Variants in ANTXR1 observed in about 807,000 individuals in gnomAD.
ANTXR1 encodes anthrax toxin receptor 1.
In ANTXR1, 19 loss-of-function variants were observed where a neutral mutation model predicts 78.1. That is an observed-to-expected ratio of 0.24 (90% CI 0.17 to 0.36). The LOEUF is 0.36. Ranked by LOEUF, ANTXR1 falls within the 10% of genes least tolerant of loss-of-function variation. The pLI is 1.00. For synonymous variants in ANTXR1, 273 were observed against 260.5 expected, an observed-to-expected ratio of 1.05 and a Z score of -0.46; for missense variants, 518 against 718.6, an observed-to-expected ratio of 0.72 and a Z score of 3.19.
intron 12 of ANTXR1, among the ~76,000 whole-genome samples, chr2:69,125,506 GC>G (rs1223474599): frequency 4.6e-5 from 7 of 152,302 alleles, no homozygotes; most frequent in African/African-American, 1.7e-4. Context: ...TCAGAGCTCA[GC>G]CTGTCAGGGG....
At chr2:69,071,903 T>C in intron 5 of ANTXR1, 116 bp downstream of exon 5, 2 of 954,906 alleles carry the variant, frequency 2.1e-6, no homozygotes, top group Non-Finnish European at 3.3e-6. Flanking sequence ...TTATCTGTAA[T>C]TCTTAGACAC....
chr2:69,170,183 G>C, intron 13 of ANTXR1, 65 bp from the exon 14 acceptor site: 12 of 1,577,814 alleles, frequency 7.6e-6, no homozygotes, highest in Non-Finnish European at 1.0e-5. Flanking sequence ...CCTCCTGACA[G>C]CAAGCCTCTT....
chr2:69,151,981 A>G (rs1673411408), intron 12 of ANTXR1, among the ~76,000 whole-genome samples, 188 bp from the exon 13 acceptor site: 1 of 152,242 alleles, frequency 6.6e-6, no homozygotes, highest in Non-Finnish European at 1.5e-5. Flanking sequence ...TTTCCCTTGA[A>G]AATTGGCTAA....
chr2:69,236,284 GTGTGTATATATATGTGAGTT>G (rs1378366521), intron 17 of ANTXR1, among the ~76,000 whole-genome samples: 1 of 152,184 alleles, frequency 6.6e-6, no homozygotes, highest in Non-Finnish European at 1.5e-5. Flanking sequence ...TGTAGTGTGT[GTGTGTATATATATGTGAGTT>G]TGTGTATATA....
rs184680598 is a variant in ANTXR1, at chr2:69,067,297, G to A, written c.297-3350G>A. ...ACATTTTCCAAAACAGCCTTTGGTTGTTCTGGTACAAAAAAAAAAAAAAAG... is the reference window on the plus strand; with the variant it reads ...ACATTTTCCAAAACAGCCTTTGGTTATTCTGGTACAAAAAAAAAAAAAAAG... On this transcript the variant is annotated intron_variant, in intron 3 of 17. Coordinates refer to ENST00000303714, the MANE Select transcript of ANTXR1 (RefSeq NM_032208.3). 4.4e-5 allele frequency among the ~76,000 whole-genome samples: 6 copies of A among 135,816 alleles called. No individual in the cohort carries two copies. In the East Asian group the frequency reaches 1.1e-3, roughly 25 times the overall value. 89.1% of individuals were successfully genotyped at this position (135,816 alleles called of 152,430 possible).
chr2:69,017,640 CGACTGGGCTGGTG>C (rs934174177), intron 1 of ANTXR1, among the ~76,000 whole-genome samples: 51 of 152,076 alleles, frequency 3.4e-4, no homozygotes, highest in Admixed American at 1.2e-3. Flanking sequence ...GTGGCTTTGG[CGACTGGGCTGGTG>C]GACTGGGCTG....
chr2:69,193,866 G>C (rs941128783), intron 17 of ANTXR1, among the ~76,000 whole-genome samples: 1 of 152,142 alleles, frequency 6.6e-6, no homozygotes, highest in Non-Finnish European at 1.5e-5. Context: ...GGCAAGGAAG[G>C]GGCCACAGAA....
chr2:69,104,184 C>A (rs1481550048), intron 10 of ANTXR1, among the ~76,000 whole-genome samples: 1 of 152,104 alleles, frequency 6.6e-6, no homozygotes, highest in Non-Finnish European at 1.5e-5. Flanking sequence ...CATGATCCAC[C>A]CGCCTCGGCT....
At chr2:69,090,118 G>A (rs150752095) in intron 8 of ANTXR1, among the ~76,000 whole-genome samples, 233 of 152,068 alleles carry the variant, frequency 1.5e-3, no homozygotes, top group Non-Finnish European at 2.7e-3. Flanking sequence ...GAAGAGTGAG[G>A]CACAAATGCC....
chr2:69,244,723 T>C (rs1344892263), intron 17 of ANTXR1, among the ~76,000 whole-genome samples: 1 of 152,198 alleles, frequency 6.6e-6, no homozygotes, highest in East Asian at 1.9e-4. Flanking sequence ...ATAAATTACT[T>C]TTGTTTATGA....
At chr2:69,242,714 G>A (rs925711938) in intron 17 of ANTXR1, among the ~76,000 whole-genome samples, 3 of 152,220 alleles carry the variant, frequency 2.0e-5, no homozygotes, top group Admixed American at 2.0e-4. Context: ...ACGAAGGGCA[G>A]AACAGATAGC....
intron 17 of ANTXR1, among the ~76,000 whole-genome samples, chr2:69,208,176 G>T (rs551391987): frequency 6.6e-6 from 1 of 152,226 alleles, no homozygotes. Context: ...TGGAGGTGGG[G>T]TTTTGCTGGG....
chr2:69,225,235 G>A, intron 17 of ANTXR1, among the ~76,000 whole-genome samples: 1 of 152,210 alleles, frequency 6.6e-6, no homozygotes, highest in East Asian at 1.9e-4. Context: ...GGATGCCAGT[G>A]TCCAGGGAAT....
chr2:69,039,780 C>T (rs992350323), intron 1 of ANTXR1, among the ~76,000 whole-genome samples: 6 of 151,028 alleles, frequency 4.0e-5, no homozygotes, highest in Admixed American at 1.3e-4. Context: ...TTTGTTGTTG[C>T]TGTTGTTGTT....
At chr2:69,210,233 T>C (rs1675006632) in intron 17 of ANTXR1, among the ~76,000 whole-genome samples, 1 of 152,236 alleles carries the variant, frequency 6.6e-6, no homozygotes, top group East Asian at 1.9e-4. Flanking sequence ...ATCTAATTTC[T>C]GTTCACCCCG....
chr2:69,019,358 CTTG>C (rs1671115090), intron 1 of ANTXR1, among the ~76,000 whole-genome samples: 1 of 152,038 alleles, frequency 6.6e-6, no homozygotes, highest in African/African-American at 2.4e-5. Context: ...TCCATTTTAA[CTTG>C]TTTGCTCTTA....
At position 69,028,320 on chromosome 2, in the gene ANTXR1, AAAG is replaced by A. The variant is rs1244822283; in HGVS notation, c.153-11718_153-11716del. Reference sequence around the variant, plus strand: ...TCCTGGTGACAATCTTTAAAAGACAAAAGAAGAACTTTATAAGTGGGAAGAAAA... The same window carrying A: ...TCCTGGTGACAATCTTTAAAAGACAAAAGAACTTTATAAGTGGGAAGAAAA... On this transcript the variant is annotated intron_variant, in intron 1 of 17. Transcript: ENST00000303714. Among the ~76,000 whole-genome samples the A allele has an allele frequency of 3.3e-5, 5 of 152,200 alleles. No individual in the cohort carries two copies. The South Asian group carries it at 8.3e-4, about 25-fold the overall frequency.
chr2:69,193,464 TACACACACACACACACACA>T, intron 17 of ANTXR1, 49 bp downstream of exon 17: 1 of 1,073,652 alleles, frequency 9.3e-7, no homozygotes, highest in Non-Finnish European at 1.4e-6. Flanking sequence ...CTCTCTCACA[TACACACACACACACACACA>T]CACACACATA....
intron 10 of ANTXR1, among the ~76,000 whole-genome samples, chr2:69,122,458 T>C (rs527638158): frequency 6.6e-6 from 1 of 152,340 alleles, no homozygotes; most frequent in African/African-American, 2.4e-5. Context: ...TGATTCCTGC[T>C]CTATCTAGGA....
Sources: gnomAD v4.1 joint callset for allele counts (sites outside exome capture counted in the v4.1 genomes callset) on GRCh38, gnomAD v4.1.1 for gene constraint, MANE v1.5 for transcripts, NCBI Gene and HGNC (gene_info 2026-07-23, HGNC 2026-07-21) for gene names.